Variants in GFOD2 observed in about 807,000 individuals in gnomAD.
The protein encoded by GFOD2 is glucose-fructose oxidoreductase domain-containing protein 2.
In GFOD2, 9 loss-of-function variants were observed where a neutral mutation model predicts 24.6. The observed-to-expected ratio is 0.37, with a 90% CI of 0.22 to 0.64. The LOEUF (loss-of-function observed/expected upper bound fraction) is 0.64, where lower values mean the gene tolerates loss of function less well. Ranked by LOEUF, GFOD2 falls within the 30% of genes least tolerant of loss-of-function variation. GFOD2 has a pLI of 0.65. For missense variants in GFOD2, 476 were observed against 532.5 expected (o/e 0.89, Z 1.04); for synonymous variants, 211 against 224.8 (o/e 0.94, Z 0.55).
intron 1 of GFOD2, among the ~76,000 whole-genome samples, chr16:67,704,975 C>A (rs149151201): frequency 6.7e-4 from 102 of 152,314 alleles, no homozygotes; most frequent in African/African-American, 2.2e-3. Context: ...TGGAGTATAT[C>A]ATGGTCAGCT....
At chr16:67,691,522 A>G (rs957176634) in intron 1 of GFOD2, among the ~76,000 whole-genome samples, 21 of 148,082 alleles carry the variant, frequency 1.4e-4, no homozygotes, top group Non-Finnish European at 3.0e-4. Flanking sequence ...CCCCCCAAAA[A>G]AAAAAAAATT....
chr16:67,689,925 T>C (rs1459807093), intron 1 of GFOD2, among the ~76,000 whole-genome samples: 1 of 152,172 alleles, frequency 6.6e-6, no homozygotes, highest in Non-Finnish European at 1.5e-5. Context: ...CTAAGTGAAA[T>C]CATGCGTTAT....
chr16:67,680,769 A>C lies in GFOD2; in HGVS notation c.259+4688T>G, dbSNP rs1388847481. On this transcript the variant is annotated intron_variant, in intron 2 of 2. Coordinates refer to ENST00000268797, the MANE Select transcript of GFOD2 (RefSeq NM_030819.4). ...TTATTTATTTATTTTTTTAATACAT[A>C]TTTTGTTATTATACTTTAAGTTCTA... 4 of 957,904 alleles carry C rather than the reference A, an allele frequency of 4.2e-6. No individual in the cohort carries two copies. The African/African-American group carries it at 7.1e-5, about 17-fold the overall frequency. The allele number at this position is 957,904 out of a possible 1,614,324, so 59.3% of individuals were successfully genotyped here.
chr16:67,685,296 T>C, intron 2 of GFOD2, 161 bp downstream of exon 2: 9 of 1,453,224 alleles, frequency 6.2e-6, no homozygotes, highest in Non-Finnish European at 8.2e-6. Flanking sequence ...TCTTTTTTCA[T>C]GCCCTCCCCA....
At chr16:67,678,446 A>G (rs908194838) in intron 2 of GFOD2, among the ~76,000 whole-genome samples, 1 of 150,422 alleles carries the variant, frequency 6.6e-6, no homozygotes, top group African/African-American at 2.5e-5. Context: ...ATTGCACGCC[A>G]GCTTTGGCGA....
intron 1 of GFOD2, among the ~76,000 whole-genome samples, chr16:67,697,711 G>A (rs2053368786): frequency 6.6e-6 from 1 of 152,202 alleles, no homozygotes; most frequent in Non-Finnish European, 1.5e-5. Context: ...CCTTCCTCAT[G>A]AGTGTGAGCC....
intron 2 of GFOD2, chr16:67,682,650 C>CTCTG: frequency 3.0e-6 from 3 of 985,200 alleles, no homozygotes; most frequent in Non-Finnish European, 3.6e-6. Flanking sequence ...AAAGTATTAT[C>CTCTG]TCTGGAAGGT....
chr16:67,711,313 T>C (rs750840855), intron 1 of GFOD2, among the ~76,000 whole-genome samples: 9 of 152,200 alleles, frequency 5.9e-5, no homozygotes, highest in Admixed American at 5.9e-4. Flanking sequence ...GCATCTGACA[T>C]GGCAGGTTCC....
chr16:67,682,468 T>C (rs897283059), intron 2 of GFOD2: 132 of 985,292 alleles, frequency 1.3e-4, no homozygotes, highest in Non-Finnish European at 1.6e-4. Flanking sequence ...ACTTAAAATA[T>C]AATTTCCTGA....
intron 1 of GFOD2, among the ~76,000 whole-genome samples, chr16:67,703,827 A>G (rs1445933678): frequency 6.6e-6 from 1 of 152,184 alleles, no homozygotes; most frequent in Non-Finnish European, 1.5e-5. Flanking sequence ...ACTTCCTGGA[A>G]GAGACGACAT....
intron 1 of GFOD2, among the ~76,000 whole-genome samples, chr16:67,718,885 G>C (rs934282523): frequency 6.6e-6 from 1 of 152,188 alleles, no homozygotes; most frequent in African/African-American, 2.4e-5. Context: ...TCTGGTAAAA[G>C]GATGGGTTAT....
rs570653841 is a variant in GFOD2, at chr16:67,683,976, T to C, written c.259+1481A>G. 4 of 899,838 alleles carry C rather than the reference T, an allele frequency of 4.4e-6. No individual in the cohort carries two copies. The South Asian group carries it at 2.1e-4, about 47-fold the overall frequency. The allele number at this position is 899,838 out of a possible 1,614,324, so 55.7% of individuals were successfully genotyped here. A position where few individuals can be genotyped will look rare whatever the true frequency, so the allele number is the denominator to read the frequency against. On this transcript the variant is annotated intron_variant, in intron 2 of 2. Transcript: ENST00000268797. ...TGTGTGTTATTTCTAGTTGCCTCAA[T>C]TGGACTATAAAATCTGAAGACAGGG...
At chr16:67,683,557 A>AATGTCCG (rs2053243668) in intron 2 of GFOD2, 3 of 1,231,654 alleles carry the variant, frequency 2.4e-6, no homozygotes, top group Admixed American at 8.4e-5. Flanking sequence ...GAATAACTCC[A>AATGTCCG]ATGTCACACA....
At chr16:67,702,141 C>T (rs1265886072) in intron 1 of GFOD2, among the ~76,000 whole-genome samples, 2 of 152,096 alleles carry the variant, frequency 1.3e-5, no homozygotes, top group African/African-American at 2.4e-5. Context: ...GTACCACCAA[C>T]AGCAGAATAG....
intron 1 of GFOD2, among the ~76,000 whole-genome samples, chr16:67,695,146 G>A (rs1355750794): frequency 5.3e-5 from 8 of 151,838 alleles, no homozygotes; most frequent in Admixed American, 6.6e-5. Context: ...ACAGGCACAC[G>A]CCACCATACC....
chr16:67,685,441 G>C lies in GFOD2; in HGVS notation c.259+16C>G. 1 of 1,614,160 alleles carries C rather than the reference G, an allele frequency of 6.2e-7. No homozygotes were observed. The highest frequency in any genetic ancestry group is 1.1e-5 in the South Asian group (1 of 91,080). ...GAGAGACATGATCTGCCCCTGCTGT[G>C]GCCTGCCGGGCGTACCTAGAGCCTT... is the stretch of plus-strand genomic sequence containing the variant. On this transcript the variant is annotated intron_variant, in intron 2 of 2. Transcript: ENST00000268797.
At chr16:67,718,716 C>T (rs1380642317) in intron 1 of GFOD2, among the ~76,000 whole-genome samples, 1 of 152,178 alleles carries the variant, frequency 6.6e-6, no homozygotes, top group Admixed American at 6.5e-5. Flanking sequence ...AAGATTTATC[C>T]CCAAAAGTCC....
At position 67,674,943 on chromosome 16, in the gene GFOD2, G is replaced by A. The variant is rs548207678; in HGVS notation, c.*212C>T. 1.7e-5 allele frequency: 10 copies of A among 596,772 alleles called. No individual in the cohort carries two copies. The highest frequency in any genetic ancestry group is 8.5e-5 in the East Asian group (3 of 35,138). 37.0% of individuals were successfully genotyped at this position (596,772 alleles called of 1,614,324 possible). On this transcript the variant is annotated 3_prime_UTR_variant, in exon 3 of 3. Transcript: ENST00000268797. ...GCGGCAGCTCTGCCCTGTGCACACC[G>A]TGGTAACCTGGCAACAGGAACATTT...
intron 1 of GFOD2, among the ~76,000 whole-genome samples, chr16:67,693,825 T>C (rs1390406560): frequency 6.6e-6 from 1 of 151,714 alleles, no homozygotes; most frequent in Non-Finnish European, 1.5e-5. Context: ...GAGGCTGAGG[T>C]GGGAGGATTA....
Sources: allele counts gnomAD v4.1 joint callset (sites outside exome capture counted in the v4.1 genomes callset), GRCh38; gene constraint gnomAD v4.1.1; transcripts MANE v1.5; gene names NCBI Gene and HGNC (gene_info 2026-07-23, HGNC 2026-07-21).